SMARCC2: variants seen among roughly 807,000 people sequenced by gnomAD.
SMARCC2 encodes the protein SWI/SNF complex subunit SMARCC2.
A neutral mutation model predicts 151.3 loss-of-function variants in SMARCC2; 15 were observed. The ratio of observed to expected loss-of-function variants is 0.10; its 90% CI spans 0.07 to 0.15. The LOEUF (loss-of-function observed/expected upper bound fraction) is 0.15. SMARCC2 is among the 10% of genes least tolerant of loss of function. The pLI is 1.00. For synonymous variants in SMARCC2, 590 were observed against 609.5 expected (o/e 0.97, Z 0.47); for missense variants, 1,031 against 1,599.7 (o/e 0.64, Z 6.06).
intron 15 of SMARCC2, among the ~76,000 whole-genome samples, chr12:56,176,908 G>A (rs1403791950): frequency 1.3e-5 from 2 of 151,760 alleles, no homozygotes; most frequent in African/African-American, 2.4e-5. Context: ...TGCAACCTCC[G>A]CCTCCCGGGT....
At chr12:56,187,092 T>C (rs1186125720) in intron 2 of SMARCC2, 95 bp downstream of exon 2, 71 of 1,372,296 alleles carry the variant, frequency 5.2e-5, no homozygotes, top group Non-Finnish European at 6.9e-5. Flanking sequence ...TTTCAAAAAT[T>C]ACAAAATTCA....
chr12:56,189,235 G>A (rs1877900225), intron 1 of SMARCC2, 116 bp downstream of exon 1: 5 of 455,506 alleles, frequency 1.1e-5, no homozygotes, highest in Admixed American at 9.5e-5. Context: ...GGCTGCTTGG[G>A]AGGCCGCGGG....
chr12:56,181,527 G>C lies in SMARCC2; in HGVS notation c.911C>G (p.Ser304Cys). 1 of 1,572,652 alleles carries C rather than the reference G, an allele frequency of 6.4e-7. No homozygotes were observed. Among genetic ancestry groups the C allele is most frequent in the South Asian group, 1.2e-5 (1 of 82,682 alleles). Residue 304 changes from serine to cysteine, a missense_variant, in exon 10 of 29, where the codon TCT becomes TGT. Transcript: ENST00000550164. ...CTTTGCTTCTGGGGTTGGTGAAGGA[G>C]AGGGGGAGCGCTTCCTCTTCTTATA... ...GNYKKRKRSP[S>C]PSPTPEAKKK...
intron 13 of SMARCC2, 40 bp from the exon 14 acceptor site, chr12:56,178,574 T>C: frequency 1.2e-6 from 2 of 1,613,844 alleles, no homozygotes; most frequent in Non-Finnish European, 1.7e-6. Context: ...GCATTCCTGC[T>C]TCCTCCCTAG....
rs1305266399 is a variant in SMARCC2, at chr12:56,182,071, G to A, written c.641C>T (p.Thr214Met). The A allele has an allele frequency of 1.1e-5, 18 of 1,611,166 alleles. No individual in the cohort carries two copies. The highest frequency in any genetic ancestry group is 1.7e-5 in the Admixed American group (1 of 59,662). The change falls in exon 8 of 29, where the codon ACG becomes ATG. Residue 214 changes from threonine (T) to methionine (M), a missense_variant. Thr to Met is a moderately conservative substitution (Grantham distance 81). Coordinates refer to ENST00000550164, the MANE Select transcript of SMARCC2 (RefSeq NM_001330288.2). Reference protein sequence around the residue: ...HWGYYPDSYDTWIPASEIEAS... With the variant: ...HWGYYPDSYDMWIPASEIEAS... ...CTCAATTTCACTCGCTGGGATCCAC[G>A]TGTCGTAACTGCCATGGGAAATTGA... is the stretch of plus-strand genomic sequence containing the variant.
At chr12:56,181,949 G>A in intron 8 of SMARCC2, 55 bp downstream of exon 8, 1 of 1,585,232 alleles carries the variant, frequency 6.3e-7, no homozygotes, top group Non-Finnish European at 8.7e-7. Context: ...ACTTCCAAAG[G>A]GTAGACTGTT....
Position 56,181,597 on chromosome 12 carries a change from C to A in SMARCC2, c.841G>T (p.Val281Leu). 1 of 1,604,520 alleles carries A rather than the reference C, an allele frequency of 6.2e-7. No individual in the cohort carries two copies. ...KISAKTLTDE[V>L]NSPDSDRRDK... ...CGTCGATCTGAATCTGGGCTGTTCA[C>A]CTATAGGATGGAGAATCAGGACAAA... The change falls in exon 10 of 29, where the codon GTG becomes TTG. Residue 281 changes from valine to leucine, a missense_variant and splice_region_variant. This residue lies in a region of SMARCC2 where 123 missense variants were observed against 190.4 expected (regional missense o/e 0.65). Coordinates refer to ENST00000550164, the MANE Select transcript of SMARCC2 (RefSeq NM_001330288.2).
At chr12:56,170,238 G>A in intron 22 of SMARCC2, 30 bp from the exon 23 acceptor site, 3 of 1,586,336 alleles carry the variant, frequency 1.9e-6, no homozygotes, top group Non-Finnish European at 2.6e-6. Flanking sequence ...AAGAAAACAG[G>A]AAATGTTTAA....
chr12:56,175,840 C>T (rs58009483), intron 15 of SMARCC2, among the ~76,000 whole-genome samples: 15,021 of 152,072 alleles, frequency 0.099, 2,430 homozygotes, highest in African/African-American at 0.34. Flanking sequence ...TCAATAGATG[C>T]AGGCAATTAT....
intron 1 of SMARCC2, among the ~76,000 whole-genome samples, chr12:56,188,964 G>C (rs533523622): frequency 6.6e-6 from 1 of 152,192 alleles, no homozygotes; most frequent in South Asian, 2.1e-4. Context: ...GCTCCGTGGG[G>C]AGCTCTGGCG....
chr12:56,178,723 G>A, intron 13 of SMARCC2, 87 bp downstream of exon 13: 2 of 1,493,690 alleles, frequency 1.3e-6, no homozygotes, highest in Non-Finnish European at 1.9e-6. Flanking sequence ...GGTAAAGTCT[G>A]GGCAGTGAAA....
Position 56,187,281 on chromosome 12 carries a change from T to G in SMARCC2, c.137A>C (p.Asn46Thr). The part of the protein sequence containing the change: ...KKYIQAEPPT[N>T]KSLSSLVVQL... Reference sequence around the variant, plus strand: ...TACAACCAGGCTAGACAGGGACTTGTTGGTGGGTGGTTCAGCTTGTATATA... The same window carrying G: ...TACAACCAGGCTAGACAGGGACTTGGTGGTGGGTGGTTCAGCTTGTATATA... The change falls in exon 2 of 29, where the codon AAC becomes ACC. Residue 46 changes from asparagine (N) to threonine (T), a missense_variant. Physicochemically the swap from Asn to Thr is moderately conservative, Grantham distance 65. Coordinates refer to ENST00000550164, the MANE Select transcript of SMARCC2 (RefSeq NM_001330288.2). The G allele has an allele frequency of 6.2e-7, 1 of 1,613,728 alleles. No homozygotes were observed.
At chr12:56,187,954 C>A (rs147127537) in intron 1 of SMARCC2, among the ~76,000 whole-genome samples, 8 of 152,300 alleles carry the variant, frequency 5.3e-5, no homozygotes, top group Non-Finnish European at 7.4e-5. Context: ...GGCCCTACTT[C>A]TATGTTTCCA....
chr12:56,167,623 G>A (rs902097372), intron 26 of SMARCC2, among the ~76,000 whole-genome samples: 9 of 151,918 alleles, frequency 5.9e-5, no homozygotes, highest in Admixed American at 3.9e-4. Flanking sequence ...CTCATCATCC[G>A]TTACGCCCAT....
Position 56,164,621 on chromosome 12 carries a change from C to T in SMARCC2, c.3343G>A (p.Gly1115Ser), listed in dbSNP as rs139765782. The T allele has an allele frequency of 1.2e-6, 2 of 1,612,828 alleles. No individual in the cohort carries two copies. The highest frequency in any genetic ancestry group is 2.7e-5 in the African/African-American group (2 of 74,892). ...AGNAPLGLPF[G>S]MPPPPPPPAP... is the part of the protein sequence containing the mutation. ...GGAGGAGGAGGAGGAGGCGGCATGC[C>T]AAAAGGCAAACCCAAAGGAGCATTA... is the stretch of plus-strand genomic sequence containing the variant. Residue 1115 changes from glycine to serine, a missense_variant, in exon 28 of 29, where the codon GGC (glycine) becomes AGC (serine). Transcript: ENST00000550164.
At chr12:56,182,739 G>A (rs1439774117) in intron 7 of SMARCC2, among the ~76,000 whole-genome samples, 1 of 148,396 alleles carries the variant, frequency 6.7e-6, no homozygotes, top group East Asian at 2.0e-4. Flanking sequence ...TTATAGGAGT[G>A]AGCTACTGTG....
intron 15 of SMARCC2, among the ~76,000 whole-genome samples, chr12:56,175,430 CAT>C (rs958280284): frequency 1.3e-5 from 2 of 152,222 alleles, no homozygotes; most frequent in Admixed American, 6.5e-5. Context: ...CGGTAAAAAA[CAT>C]ATGTTTTGAA....
chr12:56,164,014 A>G (rs757095610), intron 28 of SMARCC2, among the ~76,000 whole-genome samples: 18 of 152,202 alleles, frequency 1.2e-4, no homozygotes, highest in Non-Finnish European at 1.8e-4. Flanking sequence ...CTCAATCATC[A>G]TGCAAACAGC....
chr12:56,185,510 GCT>G, intron 3 of SMARCC2: 1 of 216,874 alleles, frequency 4.6e-6, no homozygotes, highest in South Asian at 6.1e-5. Flanking sequence ...AGGGAGTCCC[GCT>G]CTGTTGCCCA....
Sources: allele counts gnomAD v4.1 joint callset (sites outside exome capture counted in the v4.1 genomes callset), GRCh38; gene constraint gnomAD v4.1.1; regional missense constraint gnomAD v4.1.1; transcripts MANE v1.5; gene names NCBI Gene and HGNC (gene_info 2026-07-23, HGNC 2026-07-21).